The following PTPRF variants were observed in gnomAD, a reference collection of about 807,000 sequenced individuals.
PTPRF encodes the protein protein tyrosine phosphatase receptor type F, also known as receptor-type tyrosine-protein phosphatase F.
Under a neutral mutation model 201.8 loss-of-function variants are expected in PTPRF, and 59 were observed. The ratio of observed to expected loss-of-function variants is 0.29; its 90% CI spans 0.24 to 0.36. The LOEUF (loss-of-function observed/expected upper bound fraction) is 0.36, where lower values mean the gene tolerates loss of function less well. Ranked by LOEUF, PTPRF falls within the 10% of genes least tolerant of loss-of-function variation. The probability of loss-of-function intolerance (pLI) is 1.00; values close to 1 mark genes in which losing one functional copy is unlikely to be tolerated. For synonymous variants in PTPRF, 1,088 were observed against 1,089.7 expected, an observed-to-expected ratio of 1.00 and a Z score of 0.03; for missense variants, 2,132 against 2,690.5, an observed-to-expected ratio of 0.79 and a Z score of 4.59.
In PTPRF at chr1:43,588,796, G is replaced by A. The variant is rs1167481147; in HGVS notation, c.745G>A (p.Val249Met). The change falls in exon 8 of 34, where the codon GTG becomes ATG. Residue 249 changes from valine to methionine, a missense_variant. Physicochemically the swap from Val to Met is conservative, Grantham distance 21. Around this residue, in one of 6 missense-constraint regions of PTPRF, gnomAD observed 297 missense variants for 454.0 expected, o/e 0.65. Coordinates refer to ENST00000359947, the MANE Select transcript of PTPRF (RefSeq NM_002840.5). This position sits in a 1 kb window ranked among gnomAD's most constrained non-coding sequence, Gnocchi z 5.3. ...CCAGGAGGTGATGCCAGGCGGCAGC[G>A]TGAACCTGACATGCGTGGCAGTGGG... ...SSQEVMPGGS[V>M]NLTCVAVGAP... 6 of 1,614,036 alleles carry A rather than the reference G, an allele frequency of 3.7e-6. No individual in the cohort carries two copies. The highest frequency in any genetic ancestry group is 3.3e-5 in the Admixed American group (2 of 60,020).
At chr1:43,549,717 T>C (rs1042953205) in intron 3 of PTPRF, among the ~76,000 whole-genome samples, 5 of 151,826 alleles carry the variant, frequency 3.3e-5, no homozygotes, top group African/African-American at 1.2e-4. Context: ...TAGCCAGGCA[T>C]GGTGGTGTGC....
intron 7 of PTPRF, chr1:43,580,081 A>G (rs1015331843): frequency 7.5e-5 from 11 of 147,346 alleles, no homozygotes; most frequent in Non-Finnish European, 1.6e-4. Flanking sequence ...AAAAAAAAGT[A>G]CAACTGTCTC....
rs746271960 is a variant in PTPRF, at chr1:43,612,731, G to GT, written c.3974-880dup. ...ACGGGCTTTCTTTTCTTGCCCCGTTGTTTTTTTCGTTTGTTTGTTTGTTTT... is the reference window on the plus strand; with the variant it reads ...ACGGGCTTTCTTTTCTTGCCCCGTTGTTTTTTTTCGTTTGTTTGTTTGTTTT... On this transcript the variant is annotated intron_variant, in intron 22 of 33. Transcript: ENST00000359947. 3.0e-6 allele frequency: 4 copies of GT among 1,355,644 alleles called. No homozygotes were observed. In the East Asian group the frequency reaches 1.4e-4, roughly 47 times the overall value. The allele number at this position is 1,355,644 out of a possible 1,614,324, so 84.0% of individuals were successfully genotyped here.
chr1:43,593,210 G>T (rs1651322650), intron 11 of PTPRF, among the ~76,000 whole-genome samples: 1 of 152,224 alleles, frequency 6.6e-6, no homozygotes, highest in South Asian at 2.1e-4. Context: ...AGACTCTGGT[G>T]TTGTGTGTGA....
intron 5 of PTPRF, among the ~76,000 whole-genome samples, chr1:43,560,095 T>TGCA (rs1221751887): frequency 1.9e-3 from 278 of 150,126 alleles, no homozygotes; most frequent in African/African-American, 6.6e-3. Context: ...GCAGATGGTG[T>TGCA]GCAGCAGGCA....
chr1:43,531,420 G>C (rs1238762647), intron 1 of PTPRF, among the ~76,000 whole-genome samples: 3 of 86,240 alleles, frequency 3.5e-5, no homozygotes, highest in African/African-American at 1.4e-4. Context: ...CCAGCGCAAA[G>C]TTTCCCGTTT....
At position 43,575,762 on chromosome 1, in the gene PTPRF, G is replaced by T; in HGVS notation, c.569-3048G>T. ...CTGCCTGCTTGCTCACACACTGTCC[G>T]TGTCGGCCTAACTCAGGCCTCAATT... is the stretch of plus-strand genomic sequence containing the variant. On this transcript the variant is annotated intron_variant, in intron 6 of 33. Coordinates refer to ENST00000359947, the MANE Select transcript of PTPRF (RefSeq NM_002840.5). 6.8e-6 allele frequency: 4 copies of T among 589,640 alleles called. No individual in the cohort carries two copies. In the Admixed American group the frequency reaches 7.2e-5, roughly 11 times the overall value. 36.5% of individuals were successfully genotyped at this position (589,640 alleles called of 1,614,324 possible).
At position 43,554,309 on chromosome 1, in the gene PTPRF, G is replaced by A. The variant is rs58562530; in HGVS notation, c.379+368G>A. Among the ~76,000 whole-genome samples, 4,453 of 152,240 alleles carry A rather than the reference G, an allele frequency of 0.029. 227 individuals carry two copies. The highest frequency in any genetic ancestry group is 0.1 in the African/African-American group (4,172 of 41,508). On this transcript the variant is annotated intron_variant, in intron 5 of 33. Coordinates refer to ENST00000359947, the MANE Select transcript of PTPRF (RefSeq NM_002840.5). The surrounding 1 kb of genome is among the most constrained non-coding windows in gnomAD (Gnocchi z 4.1). The stretch of plus-strand genomic sequence containing the variant: ...GATTTCCATGTGGAGCCTGGCCGTA[G>A]GTGTCAGGCAGGTGTGTTCCTTGTT...
At chr1:43,575,890 C>T (rs1557750288) in intron 6 of PTPRF, 3 of 1,360,228 alleles carry the variant, frequency 2.2e-6, no homozygotes, top group Non-Finnish European at 9.8e-7. Context: ...ATCTTATTTG[C>T]ATTCAAATTA....
chr1:43,591,651 GC>G (rs1650786694), intron 9 of PTPRF, 98 bp downstream of exon 9: 1 of 1,439,688 alleles, frequency 6.9e-7, no homozygotes, highest in South Asian at 1.4e-5. Flanking sequence ...GAGGCTGGGG[GC>G]TCTTGGGAGG....
intron 19 of PTPRF, among the ~76,000 whole-genome samples, chr1:43,605,842 G>A (rs546321325): frequency 2.0e-5 from 3 of 152,340 alleles, no homozygotes; most frequent in African/African-American, 7.2e-5. Context: ...TCCCTGGGGT[G>A]GGATGTCGTG....
intron 1 of PTPRF, among the ~76,000 whole-genome samples, chr1:43,535,022 A>G (rs1290040027): frequency 3.3e-5 from 5 of 152,320 alleles, no homozygotes; most frequent in Non-Finnish European, 7.3e-5. Context: ...CTGTGTTTGC[A>G]GTTACTGTAA....
intron 12 of PTPRF, 166 bp downstream of exon 12, chr1:43,598,219 C>T: frequency 1.4e-6 from 1 of 696,540 alleles, no homozygotes; most frequent in Non-Finnish European, 2.2e-6. Context: ...ATAACTGAGG[C>T]CCAAATCCCA....
intron 12 of PTPRF, 70 bp from the exon 13 acceptor site, chr1:43,598,650 G>A: frequency 6.9e-7 from 1 of 1,455,766 alleles, no homozygotes; most frequent in Middle Eastern, 1.8e-4. Context: ...GGACCCTCAA[G>A]TTTGCTGTGC....
Position 43,598,883 on chromosome 1 carries a change from C to T in PTPRF, c.2283C>T (p.Ile761=). The change falls in exon 13 of 34, where the codon ATC becomes ATT. Residue 761 remains isoleucine, a synonymous_variant. Transcript: ENST00000359947. ...ATGGCGAGCCCCGTGGACTCCCCAT[C>T]ATCCAAGACGTCATGCTAGCCGAGG... is the stretch of plus-strand genomic sequence containing the variant. ...LENGEPRGLP[I]IQDVMLAEAQ... 3 of 1,614,086 alleles carry T rather than the reference C, an allele frequency of 1.9e-6. No homozygotes were observed. The highest frequency in any genetic ancestry group is 2.5e-6 in the Non-Finnish European group (3 of 1,179,984).
At chr1:43,595,448 C>T (rs922926759) in intron 11 of PTPRF, among the ~76,000 whole-genome samples, 1 of 152,144 alleles carries the variant, frequency 6.6e-6, no homozygotes, top group Non-Finnish European at 1.5e-5. Flanking sequence ...TCTGGATCTC[C>T]TGACCTCGTG....
chr1:43,603,041 TG>T lies in PTPRF; in HGVS notation c.2341-374del, dbSNP rs1320671605. 6.6e-6 allele frequency among the ~76,000 whole-genome samples: 1 copy of T among 152,162 alleles called. No homozygotes were observed. The highest frequency in any genetic ancestry group is 2.4e-5 in the African/African-American group (1 of 41,428). On this transcript the variant is annotated intron_variant, in intron 14 of 33. Coordinates refer to ENST00000359947, the MANE Select transcript of PTPRF (RefSeq NM_002840.5). This position sits in a 1 kb window ranked among gnomAD's most constrained non-coding sequence, Gnocchi z 5.8. ...GCCTGCTTATGCAGGAGCTGTAGGC[TG>T]TGTGCGTGTGGCTGCCAAGAGCCAC...
In PTPRF at chr1:43,597,924, C is replaced by G; in HGVS notation, c.1990C>G (p.Arg664Gly). The change falls in exon 12 of 34, where the codon CGT becomes GGT. Residue 664 changes from arginine (R) to glycine (G), a missense_variant. By Grantham distance (125) the Arg-to-Gly change is moderately radical. Transcript: ENST00000359947. ...RGRHVVDGIS[R>G]EHSSWDLVGL... is the part of the protein sequence containing the mutation. ...GCGGCATGTGGTGGATGGCATCAGC[C>G]GTGAGCACTCCAGCTGGGACCTGGT... 6.3e-7 allele frequency: 1 copy of G among 1,595,828 alleles called. No homozygotes were observed. The highest frequency in any genetic ancestry group is 8.5e-7 in the Non-Finnish European group (1 of 1,171,488).
intron 7 of PTPRF, among the ~76,000 whole-genome samples, chr1:43,586,572 C>T (rs1649202826): frequency 6.6e-6 from 1 of 152,240 alleles, no homozygotes; most frequent in African/African-American, 2.4e-5. Context: ...AGACTCCTGG[C>T]ACTAGAACAG....
Sources: allele counts gnomAD v4.1 joint callset (sites outside exome capture counted in the v4.1 genomes callset), GRCh38; gene constraint gnomAD v4.1.1; regional missense constraint gnomAD v4.1.1; non-coding constraint Gnocchi (gnomAD v3.1); transcripts MANE v1.5; gene names NCBI Gene and HGNC (gene_info 2026-07-23, HGNC 2026-07-21).